Variants in SMPD3 observed in about 807,000 individuals in gnomAD.
SMPD3 encodes nSMase-2.
A neutral mutation model predicts 55.7 loss-of-function variants in SMPD3; 21 were observed. The observed-to-expected ratio is 0.38, with a 90% confidence interval of 0.27 to 0.54. The LOEUF (loss-of-function observed/expected upper bound fraction) is 0.54. SMPD3 is among the 20% of genes least tolerant of loss of function. The pLI, the probability that SMPD3 is intolerant of heterozygous loss-of-function variation, is 0.80. For missense variants in SMPD3, 842 were observed against 899.6 expected (o/e 0.94, Z 0.82); for synonymous variants, 457 against 404.3 (o/e 1.13, Z -1.56).
intron 1 of SMPD3, among the ~76,000 whole-genome samples, chr16:68,397,555 T>C (rs1486765996): frequency 6.6e-6 from 1 of 152,162 alleles, no homozygotes; most frequent in Admixed American, 6.5e-5. Flanking sequence ...GGTACACACC[T>C]GGGTACCCTC....
intron 1 of SMPD3, among the ~76,000 whole-genome samples, chr16:68,425,527 T>G (rs2090428940): frequency 1.0e-5 from 1 of 95,988 alleles, no homozygotes; most frequent in Admixed American, 1.6e-4. Context: ...CTGGATGCCA[T>G]GAGGACAATG....
At chr16:68,378,810 T>C (rs1309223015) in intron 2 of SMPD3, among the ~76,000 whole-genome samples, 1 of 152,206 alleles carries the variant, frequency 6.6e-6, no homozygotes, top group Non-Finnish European at 1.5e-5. Flanking sequence ...GAAAGAGGCC[T>C]GCATTTTATC....
intron 1 of SMPD3, among the ~76,000 whole-genome samples, chr16:68,445,222 T>A (rs557151182): frequency 3.3e-5 from 5 of 152,342 alleles, no homozygotes; most frequent in African/African-American, 1.2e-4. Context: ...TGTTATTGAC[T>A]AATTTAATAA....
At chr16:68,384,936 C>T (rs376235200) in intron 2 of SMPD3, among the ~76,000 whole-genome samples, 1 of 152,166 alleles carries the variant, frequency 6.6e-6, no homozygotes. Context: ...AAACTCATTC[C>T]CTCCCTTCCT....
intron 8 of SMPD3, 64 bp from the exon 9 acceptor site, chr16:68,361,371 G>A (rs780015522): frequency 2.5e-4 from 375 of 1,521,064 alleles, no homozygotes; most frequent in Middle Eastern, 6.8e-4. Flanking sequence ...TGCAGGGAGC[G>A]GCCTGGGGAT....
intron 1 of SMPD3, among the ~76,000 whole-genome samples, chr16:68,442,825 G>T (rs1484861966): frequency 6.6e-6 from 1 of 152,170 alleles, no homozygotes; most frequent in Non-Finnish European, 1.5e-5. Flanking sequence ...GCAGTCATAT[G>T]AGTCAGAGCA....
At position 68,447,961 on chromosome 16, in the gene SMPD3, C is replaced by T. The variant is rs1228252993; in HGVS notation, c.-269+392G>A. 6.6e-6 allele frequency among the ~76,000 whole-genome samples: 1 copy of T among 150,758 alleles called. No individual in the cohort carries two copies. The highest frequency in any genetic ancestry group is 1.5e-5 in the Non-Finnish European group (1 of 67,616). ...CAGACTCCTTTGTAACCTCGAGCAG[C>T]CGAAGTGTTGCGGGGAGGGGTCCCC... On this transcript the variant is annotated intron_variant, in intron 1 of 8. Transcript: ENST00000219334. The surrounding 1 kb of genome is among the most constrained non-coding windows in gnomAD (Gnocchi z 5.1).
intron 2 of SMPD3, among the ~76,000 whole-genome samples, chr16:68,382,539 C>T (rs1383272732): frequency 4.6e-5 from 7 of 152,196 alleles, no homozygotes; most frequent in Middle Eastern, 3.4e-3. Context: ...GGGGTGTCCC[C>T]GAGGGAGGGT....
chr16:68,362,784 C>T (rs1186321058), intron 7 of SMPD3, among the ~76,000 whole-genome samples: 1 of 152,218 alleles, frequency 6.6e-6, no homozygotes, highest in Admixed American at 6.5e-5. Context: ...TAATTAATTC[C>T]AGCATCAATG....
chr16:68,379,694 G>A (rs2089904356), intron 2 of SMPD3, among the ~76,000 whole-genome samples: 1 of 152,190 alleles, frequency 6.6e-6, no homozygotes, highest in African/African-American at 2.4e-5. Context: ...ACAGGCTTCT[G>A]CAGAAGCCAG....
chr16:68,411,253 C>T (rs1466701984), intron 1 of SMPD3, among the ~76,000 whole-genome samples: 1 of 152,256 alleles, frequency 6.6e-6, no homozygotes. Context: ...CCAGTGATCA[C>T]AGAGGGGCAC....
At chr16:68,429,870 G>A (rs1410516393) in intron 1 of SMPD3, among the ~76,000 whole-genome samples, 1 of 152,112 alleles carries the variant, frequency 6.6e-6, no homozygotes, top group Non-Finnish European at 1.5e-5. Context: ...ATGGCTTCCT[G>A]GAAAGCCCTG....
At chr16:68,364,581 C>T (rs886152102) in intron 5 of SMPD3, 170 bp downstream of exon 5, 2 of 754,262 alleles carry the variant, frequency 2.7e-6, no homozygotes, top group African/African-American at 1.8e-5. Flanking sequence ...TGGGCTCTTC[C>T]TGTTCTAGGA....
At position 68,448,457 on chromosome 16, in the gene SMPD3, C is replaced by A. The variant is rs951705198; in HGVS notation, c.-373G>T. The A allele has an allele frequency of 6.6e-6, 1 of 152,312 alleles. No individual in the cohort carries two copies. Among genetic ancestry groups the A allele is most frequent in the Non-Finnish European group, 1.5e-5 (1 of 68,164 alleles). The allele number at this position is 152,312 out of a possible 1,614,324, so 9.4% of individuals were successfully genotyped here. Reference sequence around the variant, plus strand: ...GCCGCAGATCTGGCGGCGGCCGCAGCGGCGGCGGCTCTCGCGGCTCTCGGG... The same window carrying A: ...GCCGCAGATCTGGCGGCGGCCGCAGAGGCGGCGGCTCTCGCGGCTCTCGGG... On this transcript the variant is annotated 5_prime_UTR_variant, in exon 1 of 9. Transcript: ENST00000219334.
At chr16:68,419,866 C>T (rs1052557596) in intron 1 of SMPD3, among the ~76,000 whole-genome samples, 11 of 152,186 alleles carry the variant, frequency 7.2e-5, no homozygotes, top group African/African-American at 2.4e-4. Flanking sequence ...GTTCCAGCTC[C>T]ACCTATCACT....
At chr16:68,443,185 G>C (rs1460794713) in intron 1 of SMPD3, among the ~76,000 whole-genome samples, 2 of 152,184 alleles carry the variant, frequency 1.3e-5, no homozygotes, top group African/African-American at 4.8e-5. Flanking sequence ...AAGACTTGTG[G>C]TCTGAAATTC....
chr16:68,430,760 C>T (rs923237674), intron 1 of SMPD3, among the ~76,000 whole-genome samples: 6 of 152,206 alleles, frequency 3.9e-5, no homozygotes, highest in African/African-American at 1.4e-4. Flanking sequence ...TCCTCTTCTG[C>T]CTGGATCCAT....
intron 1 of SMPD3, among the ~76,000 whole-genome samples, chr16:68,408,192 A>G (rs141759193): frequency 7.1e-4 from 108 of 152,342 alleles, no homozygotes; most frequent in African/African-American, 2.4e-3. Context: ...GATTTTTAAA[A>G]CATTATTATT....
At chr16:68,423,981 C>T (rs1324142788) in intron 1 of SMPD3, among the ~76,000 whole-genome samples, 1 of 151,944 alleles carries the variant, frequency 6.6e-6, no homozygotes, top group African/African-American at 2.4e-5. Context: ...TGAGGGTGGA[C>T]ATGGCCCAAG....
Sources: allele counts gnomAD v4.1 joint callset (sites outside exome capture counted in the v4.1 genomes callset), GRCh38; gene constraint gnomAD v4.1.1; non-coding constraint Gnocchi (gnomAD v3.1); transcripts MANE v1.5; gene names NCBI Gene and HGNC (gene_info 2026-07-23, HGNC 2026-07-21).